The following EHMT1 variants were observed in gnomAD, a reference collection of about 807,000 sequenced individuals.
EHMT1 encodes euchromatic histone lysine methyltransferase 1, also known as histone-lysine N-methyltransferase EHMT1.
EHMT1 carries 15 observed loss-of-function variants against 147.2 expected under a neutral mutation model. The observed-to-expected ratio is 0.10, with a 90% CI of 0.07 to 0.16. The LOEUF (loss-of-function observed/expected upper bound fraction) is 0.16, where lower values mean the gene tolerates loss of function less well. Among genes scored for constraint, EHMT1 ranks in the 10% least tolerant of loss-of-function variants. The probability of loss-of-function intolerance (pLI) is 1.00; values close to 1 mark genes in which losing one functional copy is unlikely to be tolerated. For synonymous variants in EHMT1, 795 were observed against 709.6 expected, an observed-to-expected ratio of 1.12 and a Z score of -1.91; for missense variants, 1,587 against 1,772.4, an observed-to-expected ratio of 0.90 and a Z score of 1.88.
Position 137,743,099 on chromosome 9 carries a change from A to G in EHMT1, c.824-272A>G, listed in dbSNP as rs557928416. ...ATGATTTGTGGCTTTCCTGCCTCCA[A>G]GGTGGGGTGATAATGTTTGCTCCGT... is the stretch of plus-strand genomic sequence containing the variant. On this transcript the variant is annotated intron_variant, in intron 4 of 26. Transcript: ENST00000460843. The G allele has an allele frequency of 6.9e-6, 3 of 433,882 alleles. No individual in the cohort carries two copies. The Admixed American group carries it at 1.1e-4, about 16-fold the overall frequency. The allele number at this position is 433,882 out of a possible 1,614,324, so 26.9% of individuals were successfully genotyped here.
At chr9:137,706,154 C>A (rs998764480) in intron 1 of EHMT1, among the ~76,000 whole-genome samples, 1 of 152,122 alleles carries the variant, frequency 6.6e-6, no homozygotes, top group Non-Finnish European at 1.5e-5. Context: ...CAGAGCCGAC[C>A]TGGCCTGGGG....
intron 8 of EHMT1, among the ~76,000 whole-genome samples, chr9:137,757,120 C>A (rs1485172297): frequency 6.6e-6 from 1 of 152,232 alleles, no homozygotes; most frequent in Non-Finnish European, 1.5e-5. Context: ...CTTGTGATTA[C>A]AAACACCCAA....
intron 1 of EHMT1, among the ~76,000 whole-genome samples, chr9:137,672,234 CTTCATT>C (rs1394813441): frequency 6.6e-6 from 1 of 152,196 alleles, no homozygotes; most frequent in Admixed American, 6.5e-5. Context: ...TAAAAGAATA[CTTCATT>C]TTCATAAAGT....
At chr9:137,670,126 C>T (rs563983776) in intron 1 of EHMT1, among the ~76,000 whole-genome samples, 5 of 152,308 alleles carry the variant, frequency 3.3e-5, no homozygotes, top group Admixed American at 1.3e-4. Context: ...TCCCAAAGTG[C>T]TGGGATTACA....
chr9:137,739,420 T>G (rs1947857400), intron 4 of EHMT1, among the ~76,000 whole-genome samples: 1 of 152,138 alleles, frequency 6.6e-6, no homozygotes, highest in African/African-American at 2.4e-5. Flanking sequence ...TGTCCACACT[T>G]GTAGGTTGCT....
chr9:137,823,387 C>A (rs1419246862), intron 25 of EHMT1: 6 of 352,254 alleles, frequency 1.7e-5, no homozygotes, highest in African/African-American at 2.4e-5. Context: ...CGTGAGCCAC[C>A]GCACCGCACC....
rs925074158 is a variant in EHMT1 at position 137,775,311 on chromosome 9, G to T, written c.1791+59G>T. 9.4e-6 allele frequency: 15 copies of T among 1,592,616 alleles called. No homozygotes were observed. The highest frequency in any genetic ancestry group is 1.3e-5 in the Non-Finnish European group (15 of 1,176,350). The stretch of plus-strand genomic sequence containing the variant: ...CGCAGGCTTTGCTGTCTGCTCACTG[G>T]TGCTGGTTCCTGTCCTGTGTCCACC... On this transcript the variant is annotated intron_variant, in intron 11 of 26. Coordinates refer to ENST00000460843, the MANE Select transcript of EHMT1 (RefSeq NM_024757.5). The surrounding 1 kb of genome is among the most constrained non-coding windows in gnomAD (Gnocchi z 6.1).
chr9:137,769,598 C>G (rs554645679), intron 10 of EHMT1, among the ~76,000 whole-genome samples: 3 of 151,302 alleles, frequency 2.0e-5, no homozygotes, highest in Non-Finnish European at 4.4e-5. Flanking sequence ...ATTGGCTGAA[C>G]TTGCCTCTGT....
chr9:137,641,169 C>A, intron 1 of EHMT1: 1 of 414,324 alleles, frequency 2.4e-6, no homozygotes, highest in South Asian at 2.0e-5. Flanking sequence ...GCACCTGCGT[C>A]AGAATGGCCA....
At chr9:137,726,874 G>A (rs967719849) in intron 3 of EHMT1, among the ~76,000 whole-genome samples, 37 of 152,304 alleles carry the variant, frequency 2.4e-4, no homozygotes, top group Admixed American at 3.3e-4. Flanking sequence ...CCTAGTGTGT[G>A]AATGGTACTC....
rs778919891 is a variant in EHMT1 at position 137,821,318 on chromosome 9, CTT to C, written c.3540+3204_3540+3205del. On this transcript the variant is annotated intron_variant, in intron 25 of 26. Coordinates refer to ENST00000460843, the MANE Select transcript of EHMT1 (RefSeq NM_024757.5). ...ACAGGCATGAGCCACTGCGCCCGGC[CTT>C]TTTTTTTTTTTTTTTTTTTTTTTAA... Among the ~76,000 whole-genome samples the C allele has an allele frequency of 8.8e-4, 56 of 63,976 alleles. No individual in the cohort carries two copies. In the East Asian group the frequency reaches 0.014, roughly 16 times the overall value. The allele number at this position is 63,976 out of a possible 152,430, so 42.0% of individuals were successfully genotyped here.
In EHMT1 at chr9:137,782,330, A is replaced by C. The variant is rs1283662473; in HGVS notation, c.2315A>C (p.Asn772Thr). Residue 772 changes from asparagine to threonine, a missense_variant, in exon 15 of 27, where the codon AAT becomes ACT. Around this residue, in one of 7 missense-constraint regions of EHMT1, gnomAD observed 201 missense variants for 350.1 expected, o/e 0.57. Coordinates refer to ENST00000460843, the MANE Select transcript of EHMT1 (RefSeq NM_024757.5). This position sits in a 1 kb window ranked among gnomAD's most constrained non-coding sequence, Gnocchi z 5.7. ...CCCAACTTCAAAATGGAGCACCAGAATAAGCGCTCTCCACTGCACGCCGCG... is the reference window on the plus strand; with the variant it reads ...CCCAACTTCAAAATGGAGCACCAGACTAAGCGCTCTCCACTGCACGCCGCG... ...IDPNFKMEHQ[N>T]KRSPLHAAAE... 1 of 1,613,644 alleles carries C rather than the reference A, an allele frequency of 6.2e-7. No individual in the cohort carries two copies. Among genetic ancestry groups the C allele is most frequent in the Admixed American group, 1.7e-5 (1 of 60,016 alleles).
In EHMT1 at chr9:137,777,963, A is replaced by T; in HGVS notation, c.2100A>T (p.Gly700=). 2 of 1,613,724 alleles carry T rather than the reference A, an allele frequency of 1.2e-6. No individual in the cohort carries two copies. Among genetic ancestry groups the T allele is most frequent in the Non-Finnish European group, 8.5e-7 (1 of 1,180,000 alleles). ...TGCCCGAGGGCTTTGATCCAACGGG[A>T]CCTGCTGGGCTTGGGAGGCCAACTC... is the stretch of plus-strand genomic sequence containing the variant. ...SHVPEGFDPT[G]PAGLGRPTPG... is the part of the protein sequence containing the mutation. Residue 700 remains glycine, a synonymous_variant, in exon 13 of 27, where the codon GGA becomes GGT. Coordinates refer to ENST00000460843, the MANE Select transcript of EHMT1 (RefSeq NM_024757.5).
intron 1 of EHMT1, among the ~76,000 whole-genome samples, chr9:137,650,532 T>C (rs1937682905): frequency 6.6e-6 from 1 of 152,228 alleles, no homozygotes; most frequent in South Asian, 2.1e-4. Context: ...ATTGGCCATT[T>C]GTATGTCTTC....
chr9:137,635,248 C>G (rs1178697426), intron 1 of EHMT1, among the ~76,000 whole-genome samples: 2 of 151,724 alleles, frequency 1.3e-5, no homozygotes, highest in Non-Finnish European at 2.9e-5. Context: ...GCACTGTCAC[C>G]TGGGCTGGAG....
rs1947233915 is a variant in EHMT1 at position 137,732,872 on chromosome 9, T to C, written c.823+4343T>C. ...TTATCAAAGAAAGGCTGAGATTTCT[T>C]GTCACGTCTTTCTGTTAATTTTTAA... On this transcript the variant is annotated intron_variant, in intron 4 of 26. Transcript: ENST00000460843. The surrounding 1 kb of genome is among the most constrained non-coding windows in gnomAD (Gnocchi z 4.6). 6.6e-6 allele frequency among the ~76,000 whole-genome samples: 1 copy of C among 152,238 alleles called. No individual in the cohort carries two copies. The highest frequency in any genetic ancestry group is 1.5e-5 in the Non-Finnish European group (1 of 68,042).
intron 1 of EHMT1, among the ~76,000 whole-genome samples, chr9:137,671,923 G>A (rs768496136): frequency 1.1e-4 from 16 of 152,170 alleles, no homozygotes; most frequent in African/African-American, 3.4e-4. Context: ...TGGAGAGGCC[G>A]TGGCCCCTTA....
At chr9:137,717,369 G>A in intron 3 of EHMT1, 187 bp downstream of exon 3, 1 of 770,792 alleles carries the variant, frequency 1.3e-6, no homozygotes, top group East Asian at 2.7e-5. Flanking sequence ...TTGGGAGGCT[G>A]AGGCGGGTGG....
In EHMT1 at chr9:137,711,018, C is replaced by A; in HGVS notation, c.73C>A (p.Leu25Met). The A allele has an allele frequency of 6.3e-7, 1 of 1,594,406 alleles. No individual in the cohort carries two copies. Among genetic ancestry groups the A allele is most frequent in the East Asian group, 2.3e-5 (1 of 44,094 alleles). The change falls in exon 2 of 27, where the codon CTG (leucine) becomes ATG (methionine). Residue 25 changes from leucine (L) to methionine (M), a missense_variant. Around this residue, in one of 7 missense-constraint regions of EHMT1, gnomAD observed 810 missense variants for 673.0 expected, o/e 1.20. Coordinates refer to ENST00000460843, the MANE Select transcript of EHMT1 (RefSeq NM_024757.5). ...GCAGGATTGCTGTGTGAAAACCGAG[C>A]TGCTGGGAGAAGGTGAGGGCGGTGT... ...PQQDCCVKTELLGEETPMAAD... is the reference protein window; with the variant it reads ...PQQDCCVKTEMLGEETPMAAD...
Sources: allele counts gnomAD v4.1 joint callset (sites outside exome capture counted in the v4.1 genomes callset), GRCh38; gene constraint gnomAD v4.1.1; regional missense constraint gnomAD v4.1.1; non-coding constraint Gnocchi (gnomAD v3.1); transcripts MANE v1.5; gene names NCBI Gene and HGNC (gene_info 2026-07-23, HGNC 2026-07-21).